ANKS1B: variants seen among roughly 807,000 people sequenced by gnomAD.
ANKS1B encodes ankyrin repeat and sterile alpha motif domain-containing protein 1B.
ANKS1B carries 36 observed loss-of-function variants against 148.3 expected under a neutral mutation model. That is an observed-to-expected ratio of 0.24 (90% confidence interval 0.19 to 0.32). The LOEUF (loss-of-function observed/expected upper bound fraction) is 0.32, where lower values mean the gene tolerates loss of function less well. ANKS1B is among the 10% of genes least tolerant of loss of function. The pLI, the probability that ANKS1B is intolerant of heterozygous loss-of-function variation, is 1.00. For synonymous variants in ANKS1B, 542 were observed against 560.8 expected (o/e 0.97, Z 0.47); for missense variants, 1,157 against 1,542.6 (o/e 0.75, Z 4.19).
rs146078659 is a variant in ANKS1B at position 99,529,890 on chromosome 12, T to C, written c.1273-25249A>G. Among the ~76,000 whole-genome samples, 1,159 of 152,284 alleles carry C rather than the reference T, an allele frequency of 7.6e-3. 33 individuals carry two copies. Among genetic ancestry groups the C allele is most frequent in the Admixed American group, 0.055 (843 of 15,284 alleles). ...AAACATTTTTTTCGAAGTAAAAATT[T>C]TTACAGATTCTCTAAGTGATAATAT... On this transcript the variant is annotated intron_variant, in intron 9 of 26. Transcript: ENST00000683438.
At chr12:98,881,258 C>T (rs183082375) in intron 17 of ANKS1B, among the ~76,000 whole-genome samples, 33 of 152,224 alleles carry the variant, frequency 2.2e-4, no homozygotes, top group Admixed American at 1.0e-3. Flanking sequence ...AAAATATAGG[C>T]CTTGCCTGTG....
chr12:99,340,708 A>G (rs2089767605), intron 12 of ANKS1B, among the ~76,000 whole-genome samples: 1 of 152,034 alleles, frequency 6.6e-6, no homozygotes, highest in South Asian at 2.1e-4. Context: ...ACAAATGACT[A>G]TATTACCAAT....
At chr12:99,598,579 AC>A in intron 9 of ANKS1B, among the ~76,000 whole-genome samples, 1 of 152,170 alleles carries the variant, frequency 6.6e-6, no homozygotes, top group East Asian at 1.9e-4. Context: ...TTATACCACT[AC>A]TATAAACATA....
intron 14 of ANKS1B, among the ~76,000 whole-genome samples, chr12:99,241,410 C>T (rs2089294713): frequency 6.6e-6 from 1 of 152,088 alleles, no homozygotes. Context: ...TAATAAATAG[C>T]CTACCAACTA....
intron 12 of ANKS1B, among the ~76,000 whole-genome samples, chr12:99,256,307 CTTCCTTCCTAAACAATTTAAAAACTT>C (rs1396913349): frequency 6.6e-6 from 1 of 151,392 alleles, no homozygotes; most frequent in Non-Finnish European, 1.5e-5. Context: ...ACCTTATCCA[CTTCCTTCCTAAACAATTTAAAAACTT>C]TAGAGCATTT....
chr12:99,291,571 A>C (rs1405830535), intron 12 of ANKS1B, among the ~76,000 whole-genome samples: 3 of 152,148 alleles, frequency 2.0e-5, no homozygotes, highest in Non-Finnish European at 4.4e-5. Context: ...CAGAACAGAG[A>C]ACCCAGAAAT....
chr12:99,860,171 A>G (rs2089835380), intron 1 of ANKS1B, among the ~76,000 whole-genome samples: 2 of 152,236 alleles, frequency 1.3e-5, no homozygotes, highest in Non-Finnish European at 2.9e-5. Flanking sequence ...ATAAAATTCT[A>G]TTTAGGACAC....
chr12:99,811,632 G>A (rs1450944303), intron 3 of ANKS1B, among the ~76,000 whole-genome samples: 1 of 151,644 alleles, frequency 6.6e-6, no homozygotes, highest in Non-Finnish European at 1.5e-5. Flanking sequence ...CTTATTCTGG[G>A]CATATGTGTT....
At chr12:99,735,532 G>A (rs575293168) in intron 8 of ANKS1B, among the ~76,000 whole-genome samples, 1 of 151,962 alleles carries the variant, frequency 6.6e-6, no homozygotes, top group Admixed American at 6.6e-5. Flanking sequence ...TAAATTCCTG[G>A]ACATATACAG....
chr12:99,010,276 TA>T (rs900386125), intron 17 of ANKS1B, among the ~76,000 whole-genome samples: 7 of 152,218 alleles, frequency 4.6e-5, no homozygotes, highest in Admixed American at 2.0e-4. Context: ...TCTTCATTTA[TA>T]AAACAGGAGT....
chr12:99,675,463 T>C (rs2098558438), intron 8 of ANKS1B, among the ~76,000 whole-genome samples: 2 of 151,944 alleles, frequency 1.3e-5, no homozygotes, highest in South Asian at 2.1e-4. Context: ...TAAAAAGTAG[T>C]ATAATAAACC....
intron 8 of ANKS1B, among the ~76,000 whole-genome samples, chr12:99,709,588 T>G (rs945305663): frequency 2.6e-5 from 4 of 152,034 alleles, no homozygotes; most frequent in African/African-American, 9.7e-5. Context: ...AGCTAGCAAG[T>G]GGTATAGCTA....
chr12:99,565,453 TGGGG>T (rs747025549), intron 9 of ANKS1B, among the ~76,000 whole-genome samples: 8 of 152,216 alleles, frequency 5.3e-5, no homozygotes, highest in Non-Finnish European at 1.0e-4. Context: ...ACAGTTCTAA[TGGGG>T]GAAAATGAAA....
chr12:99,540,182 AAGGG>A lies in ANKS1B; in HGVS notation c.1273-35545_1273-35542del, dbSNP rs560914900. On this transcript the variant is annotated intron_variant, in intron 9 of 26. Coordinates refer to ENST00000683438, the MANE Select transcript of ANKS1B (RefSeq NM_001352186.2). ...CATGAAACAAAAAGTAACAGAATTGAAGGGAGAAATAGACAATTAAAAAATAATA... is the reference window on the plus strand; with the variant it reads ...CATGAAACAAAAAGTAACAGAATTGAAGAAATAGACAATTAAAAAATAATA... Among the ~76,000 whole-genome samples the A allele has an allele frequency of 4.9e-3, 751 of 152,278 alleles. 5 individuals carry two copies. The highest frequency in any genetic ancestry group is 0.017 in the African/African-American group (714 of 41,560).
At chr12:99,408,636 C>A (rs1233584789) in intron 11 of ANKS1B, among the ~76,000 whole-genome samples, 2 of 144,516 alleles carry the variant, frequency 1.4e-5, no homozygotes, top group Admixed American at 6.9e-5. Context: ...GTAAGGAGAT[C>A]AAAAAACTGA....
chr12:99,205,045 G>A (rs574660858), intron 14 of ANKS1B, among the ~76,000 whole-genome samples: 2 of 152,146 alleles, frequency 1.3e-5, no homozygotes, highest in South Asian at 2.1e-4. Context: ...ATACCACTGA[G>A]CTCTTGTACC....
chr12:98,797,624 T>G (rs1463604579), intron 22 of ANKS1B, among the ~76,000 whole-genome samples: 1 of 152,208 alleles, frequency 6.6e-6, no homozygotes, highest in African/African-American at 2.4e-5. Context: ...AAGTACTGTC[T>G]AACTCTGCAT....
At chr12:99,140,599 C>T (rs1049199800) in intron 15 of ANKS1B, among the ~76,000 whole-genome samples, 3 of 152,080 alleles carry the variant, frequency 2.0e-5, no homozygotes, top group South Asian at 2.1e-4. Flanking sequence ...TAAAACCTTG[C>T]GAACTAGGTA....
At chr12:99,016,325 C>T (rs1397845540) in intron 17 of ANKS1B, among the ~76,000 whole-genome samples, 10 of 152,156 alleles carry the variant, frequency 6.6e-5, no homozygotes, top group Admixed American at 3.9e-4. Flanking sequence ...GATTGATAGA[C>T]CTTTTTGTAA....
Sources: allele counts gnomAD v4.1 joint callset (sites outside exome capture counted in the v4.1 genomes callset), GRCh38; gene constraint gnomAD v4.1.1; transcripts MANE v1.5; gene names NCBI Gene and HGNC (gene_info 2026-07-23, HGNC 2026-07-21).